CHD2: variants seen among roughly 807,000 people sequenced by gnomAD.
CHD2 encodes chromodomain helicase DNA binding protein 2.
CHD2 carries 28 observed loss-of-function variants against 243.9 expected under a neutral mutation model. The ratio of observed to expected loss-of-function variants is 0.11; its 90% CI spans 0.09 to 0.16. The LOEUF (loss-of-function observed/expected upper bound fraction) is 0.16. Ranked by LOEUF, CHD2 falls within the 10% of genes least tolerant of loss-of-function variation. The pLI is 1.00. For missense variants in CHD2, 1,386 were observed against 2,209.8 expected (o/e 0.63, Z 7.47); for synonymous variants, 775 against 779.0 (o/e 0.99, Z 0.09).
At chr15:92,933,658 T>TG (rs2053216347) in intron 5 of CHD2, among the ~76,000 whole-genome samples, 2 of 152,214 alleles carry the variant, frequency 1.3e-5, no homozygotes, top group Non-Finnish European at 2.9e-5. Flanking sequence ...GGGAGTGCAG[T>TG]GCAGTAGCAC....
At chr15:92,917,494 G>A (rs1024725428) in intron 2 of CHD2, among the ~76,000 whole-genome samples, 1 of 152,358 alleles carries the variant, frequency 6.6e-6, no homozygotes, top group South Asian at 2.1e-4. Context: ...CCTGGAGGCG[G>A]AGGTTACGGT....
chr15:92,997,227 T>C lies in CHD2; in HGVS notation c.3735-26T>C. 6.2e-7 allele frequency: 1 copy of C among 1,613,720 alleles called. No individual in the cohort carries two copies. On this transcript the variant is annotated intron_variant, in intron 29 of 38. Coordinates refer to ENST00000394196, the MANE Select transcript of CHD2 (RefSeq NM_001271.4). This position sits in a 1 kb window ranked among gnomAD's most constrained non-coding sequence, Gnocchi z 4.1. ...TACCAAAAAGGCCCCTCTTCTAATG[T>C]CTTCCTGTTTTTAAACTTTCTTTAG...
At chr15:92,942,726 T>A in intron 8 of CHD2, 117 bp from the exon 9 acceptor site, 2 of 668,362 alleles carry the variant, frequency 3.0e-6, no homozygotes, top group Non-Finnish European at 4.8e-6. Context: ...TTATTTCAAG[T>A]TGAAGTATTT....
intron 2 of CHD2, among the ~76,000 whole-genome samples, chr15:92,917,790 C>A (rs945622174): frequency 2.6e-5 from 4 of 152,182 alleles, no homozygotes; most frequent in African/African-American, 9.7e-5. Flanking sequence ...TACACACGCA[C>A]ATACACACAC....
chr15:92,901,358 T>TA (rs1402204426), intron 2 of CHD2, 59 bp downstream of exon 2: 2 of 962,592 alleles, frequency 2.1e-6, no homozygotes, highest in Non-Finnish European at 3.3e-6. Context: ...AACCTCAGCT[T>TA]ACAATTGTTT....
intron 19 of CHD2, among the ~76,000 whole-genome samples, chr15:92,973,418 T>G (rs1014404146): frequency 3.3e-5 from 5 of 152,188 alleles, no homozygotes; most frequent in African/African-American, 1.2e-4. Flanking sequence ...TTTTTAAGAT[T>G]TATTACATTT....
intron 28 of CHD2, 79 bp from the exon 29 acceptor site, chr15:92,996,878 G>A: frequency 1.5e-6 from 2 of 1,377,838 alleles, no homozygotes; most frequent in African/African-American, 1.5e-5. Context: ...AGACTAAGAG[G>A]TCAGGGTTCG....
chr15:92,964,984 A>G (rs959584824), intron 16 of CHD2, among the ~76,000 whole-genome samples: 3 of 152,082 alleles, frequency 2.0e-5, no homozygotes, highest in African/African-American at 7.2e-5. Context: ...TTAGCATACC[A>G]TTTTCACTGC....
At chr15:92,931,337 CT>C (rs1435345589) in intron 5 of CHD2, among the ~76,000 whole-genome samples, 3 of 152,132 alleles carry the variant, frequency 2.0e-5, no homozygotes, top group African/African-American at 4.8e-5. Context: ...ACCTTATATA[CT>C]TTACCCAGAT....
chr15:92,924,136 G>A, intron 2 of CHD2, 185 bp from the exon 3 acceptor site: 1 of 518,538 alleles, frequency 1.9e-6, no homozygotes, highest in Non-Finnish European at 3.5e-6. Flanking sequence ...GTAGCTATTG[G>A]GGATTTTGAG....
At chr15:92,905,996 T>C (rs2052614465) in intron 2 of CHD2, among the ~76,000 whole-genome samples, 1 of 152,238 alleles carries the variant, frequency 6.6e-6, no homozygotes, top group African/African-American at 2.4e-5. Context: ...GTAGTCAACA[T>C]TGCAGTTAAT....
chr15:92,941,711 C>A, intron 7 of CHD2, 111 bp from the exon 8 acceptor site: 1 of 1,103,782 alleles, frequency 9.1e-7, no homozygotes, highest in Non-Finnish European at 1.3e-6. Flanking sequence ...TATAAAACAA[C>A]ATGCTTTTGG....
intron 17 of CHD2, among the ~76,000 whole-genome samples, chr15:92,970,531 AT>A: frequency 6.6e-6 from 1 of 152,288 alleles, no homozygotes; most frequent in Admixed American, 6.5e-5. Context: ...TAACATTTTA[AT>A]GCTTATCCTT....
chr15:93,006,087 C>G (rs1192400921), intron 34 of CHD2, among the ~76,000 whole-genome samples: 1 of 150,986 alleles, frequency 6.6e-6, no homozygotes, highest in African/African-American at 2.4e-5. Context: ...CTTGGTGTTC[C>G]TCCCTCTCAA....
chr15:93,019,804 G>T (rs562323754), intron 37 of CHD2, among the ~76,000 whole-genome samples: 63 of 152,090 alleles, frequency 4.1e-4, no homozygotes, highest in Non-Finnish European at 7.6e-4. Context: ...CATGGTGGCG[G>T]GTGCCTGTAG....
rs78815969 is a variant in CHD2 at position 92,919,760 on chromosome 15, C to T, written c.63-4561C>T. On this transcript the variant is annotated intron_variant, in intron 2 of 38. Transcript: ENST00000394196. Reference sequence around the variant, plus strand: ...TGTGTAGGGTGGGATGTACTTGCCGCCCTTGGTTTGGATTTGGCTCTCATG... The same window carrying T: ...TGTGTAGGGTGGGATGTACTTGCCGTCCTTGGTTTGGATTTGGCTCTCATG... 9.7e-3 allele frequency among the ~76,000 whole-genome samples: 1,479 copies of T among 152,224 alleles called. 26 individuals carry two copies. The highest frequency in any genetic ancestry group is 0.033 in the African/African-American group (1,373 of 41,526).
intron 13 of CHD2, among the ~76,000 whole-genome samples, chr15:92,949,516 C>T (rs1387558197): frequency 1.3e-5 from 2 of 152,152 alleles, no homozygotes; most frequent in Non-Finnish European, 2.9e-5. Flanking sequence ...TGATTCCCCT[C>T]CCTTCACTCC....
chr15:92,994,629 T>A (rs1396508812), intron 28 of CHD2, among the ~76,000 whole-genome samples: 1 of 152,222 alleles, frequency 6.6e-6, no homozygotes, highest in Non-Finnish European at 1.5e-5. Flanking sequence ...GTAATTGTTT[T>A]GAATAAGTAA....
chr15:92,909,933 G>A (rs899247927), intron 2 of CHD2, among the ~76,000 whole-genome samples: 1 of 146,518 alleles, frequency 6.8e-6, no homozygotes, highest in Non-Finnish European at 1.5e-5. Flanking sequence ...TGTTTTAAGG[G>A]TTTTACGTGT....
Sources: allele counts gnomAD v4.1 joint callset (sites outside exome capture counted in the v4.1 genomes callset), GRCh38; gene constraint gnomAD v4.1.1; non-coding constraint Gnocchi (gnomAD v3.1); transcripts MANE v1.5; gene names NCBI Gene and HGNC (gene_info 2026-07-23, HGNC 2026-07-21).